TMEM232: variants seen among roughly 807,000 people sequenced by gnomAD.
TMEM232 encodes the protein transmembrane protein 232.
TMEM232 carries 80 observed loss-of-function variants against 78.8 expected under a neutral mutation model. The ratio of observed to expected loss-of-function variants is 1.01; its 90% CI spans 0.85 to 1.22. TMEM232 has a LOEUF of 1.22. Ranked by LOEUF, TMEM232 falls within the 50% of genes most tolerant of loss-of-function variation. The pLI is 0.00. For missense variants in TMEM232, 881 were observed against 742.2 expected, an observed-to-expected ratio of 1.19 and a Z score of -2.17; for synonymous variants, 297 against 254.3, an observed-to-expected ratio of 1.17 and a Z score of -1.60.
chr5:110,484,084 T>C (rs1338143426), intron 12 of TMEM232, among the ~76,000 whole-genome samples: 1 of 152,116 alleles, frequency 6.6e-6, no homozygotes, highest in Non-Finnish European at 1.5e-5. Context: ...CCACATGTTC[T>C]CATACATATA....
intron 10 of TMEM232, among the ~76,000 whole-genome samples, chr5:110,598,172 AAAC>A (rs1406394671): frequency 1.3e-5 from 2 of 152,322 alleles, no homozygotes; most frequent in African/African-American, 4.8e-5. Flanking sequence ...AGAAAAAAAC[AAAC>A]AACCCCATCA....
At chr5:110,530,355 T>C (rs929007927) in intron 11 of TMEM232, among the ~76,000 whole-genome samples, 8 of 152,218 alleles carry the variant, frequency 5.3e-5, no homozygotes, top group African/African-American at 1.9e-4. Context: ...TAAGCAAGCA[T>C]GTGATTCAGT....
chr5:110,598,939 C>A (rs1262558854), intron 10 of TMEM232, among the ~76,000 whole-genome samples: 2 of 150,750 alleles, frequency 1.3e-5, no homozygotes, highest in African/African-American at 4.9e-5. Context: ...TGCAGCACAC[C>A]AGCATGGCAC....
chr5:110,463,447 T>G (rs1241920601), intron 12 of TMEM232, among the ~76,000 whole-genome samples: 1 of 152,234 alleles, frequency 6.6e-6, no homozygotes, highest in African/African-American at 2.4e-5. Flanking sequence ...TATTGTGATA[T>G]TCTCTTTATT....
intron 1 of TMEM232, among the ~76,000 whole-genome samples, chr5:110,724,649 T>G (rs557804670): frequency 6.6e-6 from 1 of 152,302 alleles, no homozygotes; most frequent in South Asian, 2.1e-4. Context: ...GGTGGACTAC[T>G]GTTAAGATCA....
intron 1 of TMEM232, among the ~76,000 whole-genome samples, chr5:110,684,466 G>A (rs748890092): frequency 3.3e-5 from 5 of 151,950 alleles, no homozygotes; most frequent in Admixed American, 6.6e-5. Flanking sequence ...AGAAGGAAAC[G>A]TGAAATCCAA....
intron 1 of TMEM232, among the ~76,000 whole-genome samples, chr5:110,717,339 G>A (rs1003418983): frequency 2.0e-5 from 3 of 152,144 alleles, no homozygotes; most frequent in Admixed American, 6.6e-5. Flanking sequence ...AATGAGTTCA[G>A]TTTTAATGAC....
intron 2 of TMEM232, among the ~76,000 whole-genome samples, chr5:110,645,835 C>G (rs1787407066): frequency 6.7e-6 from 1 of 150,176 alleles, no homozygotes; most frequent in South Asian, 2.1e-4. Context: ...ACAAAAATCT[C>G]TTAGAACTAA....
At chr5:110,420,931 T>A (rs998355803) in intron 13 of TMEM232, among the ~76,000 whole-genome samples, 175 bp from the exon 14 acceptor site, 11 of 151,662 alleles carry the variant, frequency 7.3e-5, no homozygotes, top group Admixed American at 5.3e-4. Flanking sequence ...CCTATTAGAA[T>A]GCATGTAAGT....
chr5:110,539,868 G>A (rs1409508259), intron 11 of TMEM232, among the ~76,000 whole-genome samples: 3 of 152,162 alleles, frequency 2.0e-5, no homozygotes, highest in African/African-American at 7.2e-5. Flanking sequence ...CCCAGAGCCT[G>A]GCAAATATCC....
chr5:110,412,565 CTCT>C (rs1448510707), intron 2 of TMEM232, among the ~76,000 whole-genome samples: 2 of 127,440 alleles, frequency 1.6e-5, no homozygotes, highest in African/African-American at 6.3e-5. Flanking sequence ...AATAGCCAAA[CTCT>C]TTTTTTTTTT....
chr5:110,714,237 C>T (rs1303602462), intron 1 of TMEM232, among the ~76,000 whole-genome samples: 1 of 152,160 alleles, frequency 6.6e-6, no homozygotes, highest in Non-Finnish European at 1.5e-5. Flanking sequence ...CTGATTACAA[C>T]CTTGTCCATC....
Position 110,607,517 on chromosome 5 carries a change from G to T in TMEM232, c.903-1230C>A, listed in dbSNP as rs114079070. ...TCAATTAAGTTAGCCCCCTCAAGATGGAATTCTCTGTATCTTGATTGGAGT... is the reference window on the plus strand; with the variant it reads ...TCAATTAAGTTAGCCCCCTCAAGATTGAATTCTCTGTATCTTGATTGGAGT... On this transcript the variant is annotated intron_variant, in intron 8 of 13. Coordinates refer to ENST00000455884, the MANE Select transcript of TMEM232 (RefSeq NM_001039763.4). Among the ~76,000 whole-genome samples the T allele has an allele frequency of 2.3e-3, 345 of 152,032 alleles. 2 individuals are homozygous for T. The highest frequency in any genetic ancestry group is 7.8e-3 in the African/African-American group (324 of 41,524).
At chr5:110,647,045 C>T (rs1479507380) in intron 2 of TMEM232, among the ~76,000 whole-genome samples, 1 of 151,364 alleles carries the variant, frequency 6.6e-6, no homozygotes, top group African/African-American at 2.4e-5. Context: ...TAGAGACTTC[C>T]AGAGAGTTAT....
chr5:110,420,702 C>G lies in TMEM232; in HGVS notation c.1852G>C (p.Glu618Gln), dbSNP rs1346363220. 10 of 1,526,948 alleles carry G rather than the reference C, an allele frequency of 6.5e-6. No homozygotes were observed. Among genetic ancestry groups the G allele is most frequent in the Non-Finnish European group, 8.7e-6 (10 of 1,144,030 alleles). The allele number at this position is 1,526,948 out of a possible 1,614,324, so 94.6% of individuals were successfully genotyped here. A position where few individuals can be genotyped will look rare whatever the true frequency, so the allele number is the denominator to read the frequency against. The change falls in exon 14 of 14, where the codon GAA becomes CAA. Residue 618 changes from glutamate to glutamine, a missense_variant. Physicochemically the swap from Glu to Gln is conservative, Grantham distance 29. Transcript: ENST00000455884. ...EKEDAICKAQELKDKKLAEKN... is the reference protein window; with the variant it reads ...EKEDAICKAQQLKDKKLAEKN... ...TCTGCTAACTTTTTATCTTTAAGTTCTTGGGCCTTGCATATTGCATCTTCT... is the reference window on the plus strand; with the variant it reads ...TCTGCTAACTTTTTATCTTTAAGTTGTTGGGCCTTGCATATTGCATCTTCT...
chr5:110,704,558 T>C (rs1795741698), intron 1 of TMEM232, among the ~76,000 whole-genome samples: 1 of 152,098 alleles, frequency 6.6e-6, no homozygotes, highest in Non-Finnish European at 1.5e-5. Context: ...TAATTCCCCC[T>C]GCTTTGCTTG....
At chr5:110,632,641 AAAC>A (rs373480197) in intron 5 of TMEM232, among the ~76,000 whole-genome samples, 330 of 152,300 alleles carry the variant, frequency 2.2e-3, no homozygotes, top group African/African-American at 7.3e-3. Flanking sequence ...CAATAAACTA[AAAC>A]AACAACACAA....
chr5:110,610,106 G>GT (rs1782001392), intron 8 of TMEM232, among the ~76,000 whole-genome samples: 1 of 151,186 alleles, frequency 6.6e-6, no homozygotes, highest in East Asian at 1.9e-4. Flanking sequence ...AGTTGAGGAA[G>GT]TTAACTACAG....
intron 3 of TMEM232, among the ~76,000 whole-genome samples, chr5:110,641,570 T>C (rs1390659106): frequency 6.6e-6 from 1 of 152,168 alleles, no homozygotes; most frequent in Admixed American, 6.6e-5. Flanking sequence ...GTATACTCTT[T>C]TTCTAATCAA....
Sources: gnomAD v4.1 joint callset for allele counts (sites outside exome capture counted in the v4.1 genomes callset) on GRCh38, gnomAD v4.1.1 for gene constraint, MANE v1.5 for transcripts, NCBI Gene and HGNC (gene_info 2026-07-23, HGNC 2026-07-21) for gene names.